PPIF: variants seen among roughly 807,000 people sequenced by gnomAD.
PPIF encodes the protein peptidylprolyl isomerase F.
A neutral mutation model predicts 20.2 loss-of-function variants in PPIF; 23 were observed. The ratio of observed to expected loss-of-function variants is 1.14; its 90% CI spans 0.82 to 1.61. The LOEUF (loss-of-function observed/expected upper bound fraction) is 1.61. Among genes scored for constraint, PPIF ranks in the 40% most tolerant of loss-of-function variants. PPIF has a pLI of 0.00. For synonymous variants in PPIF, 113 were observed against 123.1 expected (o/e 0.92, Z 0.54); for missense variants, 287 against 291.6 (o/e 0.98, Z 0.11).
rs1855914483 is a variant in PPIF at position 79,347,555 on chromosome 10, G to A, written c.7G>A (p.Ala3Thr). 1.5e-6 allele frequency: 2 copies of A among 1,327,406 alleles called. No individual in the cohort carries two copies. The highest frequency in any genetic ancestry group is 1.9e-6 in the Non-Finnish European group (2 of 1,042,448). The allele number at this position is 1,327,406 out of a possible 1,614,324, so 82.2% of individuals were successfully genotyped here. ML[A>T]LRCGSRWLGL... ...CGCCCGACCCGCGCCCGCGATGCTG[G>A]CGCTGCGCTGCGGCTCCCGCTGGCT... The change falls in exon 1 of 6, where the codon GCG becomes ACG. Residue 3 changes from alanine (A) to threonine (T), a missense_variant. By Grantham distance (58) the Ala-to-Thr change is moderately conservative (BLOSUM62 0). Transcript: ENST00000225174.
In PPIF at chr10:79,349,583, T is replaced by C; in HGVS notation, c.227-82T>C. ...ATCCCCCTGTTCACTGCTGGGGATG[T>C]AGCAGGGATTTTGGCTGGAACGGGT... On this transcript the variant is annotated intron_variant, in intron 2 of 5. Transcript: ENST00000225174. 5 of 1,584,566 alleles carry C rather than the reference T, an allele frequency of 3.2e-6. No homozygotes were observed. The South Asian group carries it at 5.7e-5, about 18-fold the overall frequency.
intron 1 of PPIF, among the ~76,000 whole-genome samples, chr10:79,348,295 C>T (rs1015658294): frequency 2.6e-5 from 4 of 152,330 alleles, no homozygotes; most frequent in Admixed American, 1.3e-4. Flanking sequence ...CCCCAGAATG[C>T]CCCTCCTGCG....
intron 3 of PPIF, 44 bp downstream of exon 3, chr10:79,349,797 C>G: frequency 5.0e-6 from 8 of 1,612,078 alleles, no homozygotes; most frequent in Non-Finnish European, 6.8e-6. Context: ...AGAGCAGGAG[C>G]TGCCTTGTGG....
At chr10:79,349,153 G>A (rs747509526) in intron 2 of PPIF, 47 bp downstream of exon 2, 2 of 1,613,526 alleles carry the variant, frequency 1.2e-6, no homozygotes, top group Non-Finnish European at 1.7e-6. Flanking sequence ...GAGGGAAGGG[G>A]GCCAGGCAGG....
intron 1 of PPIF, among the ~76,000 whole-genome samples, chr10:79,348,121 A>G (rs1855925198): frequency 6.6e-6 from 1 of 151,244 alleles, no homozygotes; most frequent in African/African-American, 2.4e-5. Context: ...GTCGTGGCCC[A>G]GCGGGTGCTC....
chr10:79,349,993 A>C, intron 3 of PPIF: 1 of 800,964 alleles, frequency 1.2e-6, no homozygotes. Context: ...GGTGGAGTCT[A>C]TCAAGAGAGA....
intron 2 of PPIF, 128 bp downstream of exon 2, chr10:79,349,234 C>G: frequency 1.3e-6 from 2 of 1,592,718 alleles, no homozygotes; most frequent in Non-Finnish European, 1.7e-6. Context: ...CCATGTGTGG[C>G]TCAGCCATTG....
Position 79,353,932 on chromosome 10 carries a change from G to A in PPIF, c.*90G>A, listed in dbSNP as rs1326439067. The A allele has an allele frequency of 1.4e-5, 20 of 1,386,452 alleles. No individual in the cohort carries two copies. In the East Asian group the frequency reaches 1.7e-4, roughly 12 times the overall value. 85.9% of individuals were successfully genotyped at this position (1,386,452 alleles called of 1,614,324 possible). Reference sequence around the variant, plus strand: ...GGCTGTCAGCCAAGGTGCCTGAAACGATACGTGTGCCCACTCCACTGTCAC... The same window carrying A: ...GGCTGTCAGCCAAGGTGCCTGAAACAATACGTGTGCCCACTCCACTGTCAC... On this transcript the variant is annotated 3_prime_UTR_variant, in exon 6 of 6. Transcript: ENST00000225174.
chr10:79,351,420 C>T, intron 3 of PPIF, 67 bp from the exon 4 acceptor site: 1 of 1,522,354 alleles, frequency 6.6e-7, no homozygotes, highest in Non-Finnish European at 9.0e-7. Flanking sequence ...GAGGCTGCTG[C>T]CAGCGCCAGG....
At chr10:79,352,745 A>G (rs887375437) in intron 5 of PPIF, among the ~76,000 whole-genome samples, 10 of 152,210 alleles carry the variant, frequency 6.6e-5, no homozygotes, top group African/African-American at 2.4e-4. Context: ...GTAGAAGCCC[A>G]CTTGTGTGGT....
chr10:79,349,672 C>G lies in PPIF; in HGVS notation c.234C>G (p.Phe78Leu). The change falls in exon 3 of 6, where the codon TTC (phenylalanine) becomes TTG (leucine). Residue 78 changes from phenylalanine (F) to leucine (L), a missense_variant. Physicochemically the swap from Phe to Leu is conservative, Grantham distance 22. Transcript: ENST00000225174. Reference protein sequence around the residue: ...ADVVPKTAENFRALCTGEKGF... With the variant: ...ADVVPKTAENLRALCTGEKGF... Reference sequence around the variant, plus strand: ...TTTCTCTTCGACCCTCAGAGAACTTCAGAGCCCTGTGCACTGGTGAGAAGG... The same window carrying G: ...TTTCTCTTCGACCCTCAGAGAACTTGAGAGCCCTGTGCACTGGTGAGAAGG... The G allele has an allele frequency of 6.2e-7, 1 of 1,613,490 alleles. No individual in the cohort carries two copies. Among genetic ancestry groups the G allele is most frequent in the Admixed American group, 1.7e-5 (1 of 60,024 alleles).
intron 2 of PPIF, 91 bp from the exon 3 acceptor site, chr10:79,349,574 C>T: frequency 6.4e-7 from 1 of 1,570,584 alleles, no homozygotes; most frequent in South Asian, 1.2e-5. Context: ...CTGTTCACTG[C>T]TGGGGATGTA....
intron 5 of PPIF, among the ~76,000 whole-genome samples, chr10:79,353,344 C>G (rs35008901): frequency 6.6e-6 from 1 of 152,214 alleles, no homozygotes; most frequent in Admixed American, 6.5e-5. Flanking sequence ...CATTCATGAC[C>G]GTTAACGTGG....
At chr10:79,352,994 G>C (rs1053342803) in intron 5 of PPIF, among the ~76,000 whole-genome samples, 6 of 152,260 alleles carry the variant, frequency 3.9e-5, no homozygotes, top group Non-Finnish European at 7.3e-5. Flanking sequence ...AAATGTCCTA[G>C]CCCTGGGGCA....
Position 79,347,627 on chromosome 10 carries a change from G to A in PPIF, c.79G>A (p.Ala27Thr). 2 of 1,449,054 alleles carry A rather than the reference G, an allele frequency of 1.4e-6. No individual in the cohort carries two copies. Among genetic ancestry groups the A allele is most frequent in the South Asian group, 1.4e-5 (1 of 73,288 alleles). 89.8% of individuals were successfully genotyped at this position (1,449,054 alleles called of 1,614,324 possible). A position where few individuals can be genotyped will look rare whatever the true frequency, so the allele number is the denominator to read the frequency against. ...CTCCGTGCCGCTGCGCCTCCCCGCGGCCCGCGCCTGCAGCAAGGGCTCCGG... is the reference window on the plus strand; with the variant it reads ...CTCCGTGCCGCTGCGCCTCCCCGCGACCCGCGCCTGCAGCAAGGGCTCCGG... ...PRSVPLRLPAARACSKGSGDP... is the reference protein window; with the variant it reads ...PRSVPLRLPATRACSKGSGDP... The change falls in exon 1 of 6, where the codon GCC (alanine) becomes ACC (threonine). Residue 27 changes from alanine to threonine, a missense_variant. Coordinates refer to ENST00000225174, the MANE Select transcript of PPIF (RefSeq NM_005729.4).
At chr10:79,349,019 C>A in intron 1 of PPIF, 57 bp from the exon 2 acceptor site, 1 of 1,613,234 alleles carries the variant, frequency 6.2e-7, no homozygotes. Context: ...GAGAGACACC[C>A]ACCTTCACCT....
At chr10:79,353,676 T>G in intron 5 of PPIF, 31 bp from the exon 6 acceptor site, 1 of 1,614,208 alleles carries the variant, frequency 6.2e-7, no homozygotes, top group Non-Finnish European at 8.5e-7. Context: ...TGCGCTACAC[T>G]GTTGCTCACC....
At chr10:79,350,083 G>T in intron 3 of PPIF, 1 of 339,658 alleles carries the variant, frequency 2.9e-6, no homozygotes, top group South Asian at 2.9e-5. Context: ...CTCTGACCTT[G>T]TCCCCTGTGT....
intron 1 of PPIF, among the ~76,000 whole-genome samples, chr10:79,348,072 C>T (rs1855924457): frequency 1.3e-5 from 2 of 152,244 alleles, no homozygotes; most frequent in Non-Finnish European, 2.9e-5. Context: ...AGCCTAGATC[C>T]GGAGCTCCGA....
Sources: gnomAD v4.1 joint callset for allele counts (sites outside exome capture counted in the v4.1 genomes callset) on GRCh38, gnomAD v4.1.1 for gene constraint, MANE v1.5 for transcripts, NCBI Gene and HGNC (gene_info 2026-07-23, HGNC 2026-07-21) for gene names.